CADPS2: variants seen among roughly 807,000 people sequenced by gnomAD.
CADPS2 encodes the protein calcium-dependent secretion activator 2.
Under a neutral mutation model 172.5 loss-of-function variants are expected in CADPS2, and 93 were observed. The ratio of observed to expected loss-of-function variants is 0.54; its 90% CI spans 0.46 to 0.64. The LOEUF (loss-of-function observed/expected upper bound fraction) is 0.64, where lower values mean the gene tolerates loss of function less well. Ranked by LOEUF, CADPS2 falls within the 30% of genes least tolerant of loss-of-function variation. The pLI, the probability that CADPS2 is intolerant of heterozygous loss-of-function variation, is 0.00. For synonymous variants in CADPS2, 546 were observed against 555.2 expected (o/e 0.98, Z 0.23); for missense variants, 1,420 against 1,565.9 (o/e 0.91, Z 1.57).
chr7:122,466,149 T>C (rs1294855758), intron 14 of CADPS2, among the ~76,000 whole-genome samples: 1 of 152,202 alleles, frequency 6.6e-6, no homozygotes, highest in Non-Finnish European at 1.5e-5. Context: ...TTTCTGTTCA[T>C]GGTTAATGTG....
At chr7:122,746,618 A>G (rs891672094) in intron 1 of CADPS2, among the ~76,000 whole-genome samples, 2 of 122,334 alleles carry the variant, frequency 1.6e-5, no homozygotes. Context: ...CTGATGAGCT[A>G]AAACACACAG....
intron 17 of CADPS2, among the ~76,000 whole-genome samples, chr7:122,419,207 TA>T (rs1412852498): frequency 6.6e-6 from 1 of 152,302 alleles, no homozygotes; most frequent in East Asian, 1.9e-4. Context: ...AAAAGAATGT[TA>T]AAAAATTCAA....
intron 3 of CADPS2, among the ~76,000 whole-genome samples, chr7:122,652,843 T>C (rs959656074): frequency 2.6e-5 from 4 of 152,202 alleles, no homozygotes; most frequent in African/African-American, 7.2e-5. Context: ...AATAACAATT[T>C]GTCTTTCTAT....
intron 1 of CADPS2, among the ~76,000 whole-genome samples, chr7:122,847,549 T>C (rs1812332178): frequency 6.6e-6 from 1 of 152,220 alleles, no homozygotes; most frequent in African/African-American, 2.4e-5. Flanking sequence ...ATTAGTTTGT[T>C]ATATAAAAAT....
rs138169066 is a variant in CADPS2, at chr7:122,522,014, A to G, written c.1476-8699T>C. Among the ~76,000 whole-genome samples the G allele has an allele frequency of 6.3e-3, 965 of 152,312 alleles. 7 individuals are homozygous for G. The highest frequency in any genetic ancestry group is 9.7e-3 in the Non-Finnish European group (659 of 68,026). On this transcript the variant is annotated intron_variant, in intron 8 of 29. Transcript: ENST00000449022. ...TGAATGAAGGCAAACTGCCCAGATAAGACCATAAAACCCCATTCCACCCTC... is the reference window on the plus strand; with the variant it reads ...TGAATGAAGGCAAACTGCCCAGATAGGACCATAAAACCCCATTCCACCCTC...
chr7:122,402,524 C>T (rs935680634), intron 20 of CADPS2, among the ~76,000 whole-genome samples: 4 of 152,106 alleles, frequency 2.6e-5, no homozygotes, highest in Admixed American at 6.5e-5. Context: ...TCGAAGCATA[C>T]AAATTTTAAT....
intron 6 of CADPS2, among the ~76,000 whole-genome samples, chr7:122,611,648 T>C (rs991816731): frequency 1.6e-4 from 24 of 152,050 alleles, no homozygotes; most frequent in African/African-American, 5.8e-4. Flanking sequence ...TTCTACCAAA[T>C]GCTTTTAAAA....
intron 2 of CADPS2, among the ~76,000 whole-genome samples, chr7:122,732,302 G>A (rs1171341339): frequency 2.6e-5 from 4 of 151,234 alleles, no homozygotes; most frequent in African/African-American, 9.7e-5. Flanking sequence ...CCGAATATCT[G>A]AAGGTACAAC....
rs550879167 is a variant in CADPS2 at position 122,646,105 on chromosome 7, CATA to C, written c.787-16780_787-16778del. On this transcript the variant is annotated intron_variant, in intron 3 of 29. Coordinates refer to ENST00000449022, the MANE Select transcript of CADPS2 (RefSeq NM_017954.11). ...GAGCAGATTTGAACTCGAGTTTCAA[CATA>C]ATAAGAGTTCAATTTATACAGCACT... Among the ~76,000 whole-genome samples, 7 of 152,006 alleles carry C rather than the reference CATA, an allele frequency of 4.6e-5. No homozygotes were observed. The South Asian group carries it at 1.0e-3, about 23-fold the overall frequency.
intron 8 of CADPS2, 57 bp downstream of exon 8, chr7:122,554,493 A>G (rs772902706): frequency 1.2e-4 from 185 of 1,502,346 alleles, no homozygotes; most frequent in Non-Finnish European, 1.6e-4. Context: ...TGACAAAAAT[A>G]ATACACTGAA....
chr7:122,570,247 G>C (rs552243303), intron 7 of CADPS2, among the ~76,000 whole-genome samples: 23 of 152,190 alleles, frequency 1.5e-4, no homozygotes, highest in African/African-American at 4.6e-4. Flanking sequence ...CTTCTCAAAA[G>C]AAGACATTTA....
At chr7:122,799,072 T>C (rs1404075140) in intron 1 of CADPS2, among the ~76,000 whole-genome samples, 2 of 151,716 alleles carry the variant, frequency 1.3e-5, no homozygotes, top group East Asian at 4.1e-4. Flanking sequence ...ACAAGATAAA[T>C]AAGAAAGTGC....
At chr7:122,865,288 T>G (rs1445984772) in intron 1 of CADPS2, among the ~76,000 whole-genome samples, 1 of 152,198 alleles carries the variant, frequency 6.6e-6, no homozygotes, top group Non-Finnish European at 1.5e-5. Context: ...TTGTATGGTC[T>G]GCAGAATCTC....
At chr7:122,566,182 C>T (rs936655278) in intron 7 of CADPS2, among the ~76,000 whole-genome samples, 3 of 151,938 alleles carry the variant, frequency 2.0e-5, no homozygotes, top group African/African-American at 4.8e-5. Flanking sequence ...ATCAGGGAAA[C>T]GCAAATAAAA....
chr7:122,537,115 C>T (rs1317699288), intron 8 of CADPS2, among the ~76,000 whole-genome samples: 1 of 151,652 alleles, frequency 6.6e-6, no homozygotes, highest in East Asian at 1.9e-4. Flanking sequence ...TAACAAACCT[C>T]CATGACAAAA....
intron 27 of CADPS2, among the ~76,000 whole-genome samples, chr7:122,359,747 G>A (rs2039893726): frequency 6.6e-6 from 1 of 152,020 alleles, no homozygotes; most frequent in South Asian, 2.1e-4. Context: ...GGTACAGGAC[G>A]AGGAGGGTAT....
chr7:122,369,991 C>T (rs1327291817), intron 25 of CADPS2, among the ~76,000 whole-genome samples: 1 of 152,154 alleles, frequency 6.6e-6, no homozygotes, highest in Non-Finnish European at 1.5e-5. Flanking sequence ...TTAGCACTTC[C>T]TACAAGCTTC....
At chr7:122,850,824 G>A (rs534705809) in intron 1 of CADPS2, among the ~76,000 whole-genome samples, 2 of 152,160 alleles carry the variant, frequency 1.3e-5, no homozygotes, top group Non-Finnish European at 2.9e-5. Context: ...GCTCCTCTAT[G>A]GCACTGGCAT....
At chr7:122,517,360 C>T (rs139286870) in intron 8 of CADPS2, among the ~76,000 whole-genome samples, 166 of 152,186 alleles carry the variant, frequency 1.1e-3, no homozygotes, top group Middle Eastern at 3.4e-3. Flanking sequence ...CTATTATGAA[C>T]ACTTGTGTAC....
Sources: gnomAD v4.1 joint callset for allele counts (sites outside exome capture counted in the v4.1 genomes callset) on GRCh38, gnomAD v4.1.1 for gene constraint, MANE v1.5 for transcripts, NCBI Gene and HGNC (gene_info 2026-07-23, HGNC 2026-07-21) for gene names.